NEGR1: variants seen among roughly 807,000 people sequenced by gnomAD.
The protein encoded by NEGR1 is neuronal growth regulator 1.
In NEGR1, 10 loss-of-function variants were observed where a neutral mutation model predicts 40.9. The ratio of observed to expected loss-of-function variants is 0.24; its 90% CI spans 0.15 to 0.42. The LOEUF is 0.42. Among genes scored for constraint, NEGR1 ranks in the 10% least tolerant of loss-of-function variants. The probability of loss-of-function intolerance (pLI) is 1.00; values close to 1 mark genes in which losing one functional copy is unlikely to be tolerated. For missense variants in NEGR1, 352 were observed against 438.9 expected (o/e 0.80, Z 1.77); for synonymous variants, 185 against 166.8 (o/e 1.11, Z -0.84).
chr1:71,834,432 A>T (rs1460213958), intron 2 of NEGR1, among the ~76,000 whole-genome samples: 1 of 151,958 alleles, frequency 6.6e-6, no homozygotes, highest in Non-Finnish European at 1.5e-5. Context: ...AGGTGGAGGA[A>T]GGAGGAATTC....
chr1:71,445,629 C>T (rs1646576691), intron 6 of NEGR1, among the ~76,000 whole-genome samples: 1 of 152,166 alleles, frequency 6.6e-6, no homozygotes, highest in African/African-American at 2.4e-5. Context: ...AAACTGCAGA[C>T]ACCTGAGAGG....
intron 1 of NEGR1, among the ~76,000 whole-genome samples, chr1:72,184,124 T>A (rs551368610): frequency 5.9e-5 from 9 of 152,196 alleles, no homozygotes; most frequent in Middle Eastern, 3.4e-3. Context: ...TCCCAGACTT[T>A]ATGGGAAAGG....
At chr1:72,198,098 C>A (rs571356742) in intron 1 of NEGR1, among the ~76,000 whole-genome samples, 1 of 152,064 alleles carries the variant, frequency 6.6e-6, no homozygotes, top group South Asian at 2.1e-4. Flanking sequence ...TGGTATTTCC[C>A]CAAGTAGTTT....
intron 4 of NEGR1, among the ~76,000 whole-genome samples, chr1:71,650,020 T>C (rs1299739214): frequency 6.6e-6 from 1 of 152,122 alleles, no homozygotes; most frequent in Non-Finnish European, 1.5e-5. Context: ...ATATGGAATA[T>C]AAAACAAAAT....
At chr1:71,760,786 A>G (rs1178999747) in intron 3 of NEGR1, among the ~76,000 whole-genome samples, 1 of 152,114 alleles carries the variant, frequency 6.6e-6, no homozygotes, top group Admixed American at 6.6e-5. Context: ...TGTTTGGGTG[A>G]CAGGCTGTGT....
At chr1:72,160,914 C>T (rs976887350) in intron 1 of NEGR1, among the ~76,000 whole-genome samples, 1 of 152,208 alleles carries the variant, frequency 6.6e-6, no homozygotes, top group African/African-American at 2.4e-5. Flanking sequence ...AAATAAAAAA[C>T]TATTATTTAA....
intron 6 of NEGR1, among the ~76,000 whole-genome samples, chr1:71,427,337 T>C (rs1455393921): frequency 6.6e-6 from 1 of 152,192 alleles, no homozygotes; most frequent in Non-Finnish European, 1.5e-5. Flanking sequence ...TCATCCTTCC[T>C]GTGTTCTGCA....
intron 1 of NEGR1, among the ~76,000 whole-genome samples, chr1:72,214,487 C>A (rs180965062): frequency 2.8e-3 from 419 of 152,208 alleles, no homozygotes; most frequent in Non-Finnish European, 4.6e-3. Context: ...AGCACAAAAA[C>A]TCCTTAAGCT....
intron 1 of NEGR1, among the ~76,000 whole-genome samples, chr1:71,965,729 T>C (rs1202000929): frequency 6.6e-6 from 1 of 152,168 alleles, no homozygotes; most frequent in Non-Finnish European, 1.5e-5. Flanking sequence ...TCCAATATAA[T>C]AAATTAACAT....
intron 6 of NEGR1, among the ~76,000 whole-genome samples, chr1:71,445,311 A>ATTT (rs1646574226): frequency 6.8e-6 from 1 of 146,538 alleles, no homozygotes; most frequent in African/African-American, 2.7e-5. Flanking sequence ...TTTTTTTTTA[A>ATTT]AAAAAAAATA....
chr1:71,621,516 G>A (rs1035914228), intron 4 of NEGR1, among the ~76,000 whole-genome samples: 5 of 151,432 alleles, frequency 3.3e-5, no homozygotes, highest in African/African-American at 7.3e-5. Flanking sequence ...TGACCTTAAT[G>A]TTTTTTTAAT....
intron 6 of NEGR1, among the ~76,000 whole-genome samples, chr1:71,480,169 T>C (rs1646844990): frequency 6.6e-6 from 1 of 151,974 alleles, no homozygotes; most frequent in Admixed American, 6.6e-5. Flanking sequence ...ATCTACTGAA[T>C]GTTTACTATG....
In NEGR1 at chr1:72,105,520, A is replaced by C. The variant is rs980095668; in HGVS notation, c.177-170209T>G. 2.0e-5 allele frequency among the ~76,000 whole-genome samples: 3 copies of C among 152,106 alleles called. No individual in the cohort carries two copies. In the East Asian group the frequency reaches 5.8e-4, roughly 30 times the overall value. On this transcript the variant is annotated intron_variant, in intron 1 of 6. Coordinates refer to ENST00000357731, the MANE Select transcript of NEGR1 (RefSeq NM_173808.3). The stretch of plus-strand genomic sequence containing the variant: ...GGAGTTTGAGAAAAGTCTGGGAAAC[A>C]AAGCGATACCTCATCTCTCCACAGT...
chr1:71,637,477 A>T (rs1033930140), intron 4 of NEGR1, among the ~76,000 whole-genome samples: 9 of 151,974 alleles, frequency 5.9e-5, no homozygotes, highest in Non-Finnish European at 1.2e-4. Flanking sequence ...TATTTTATGT[A>T]TATAATTTGG....
chr1:71,447,875 T>G (rs1466744340), intron 6 of NEGR1, among the ~76,000 whole-genome samples: 2 of 152,202 alleles, frequency 1.3e-5, no homozygotes, highest in Non-Finnish European at 2.9e-5. Flanking sequence ...CAAAGTAGTT[T>G]AAACAACCAA....
chr1:71,526,286 T>A (rs1488818893), intron 6 of NEGR1, among the ~76,000 whole-genome samples: 1 of 151,564 alleles, frequency 6.6e-6, no homozygotes, highest in Non-Finnish European at 1.5e-5. Flanking sequence ...TTATTTTAAA[T>A]TAGGAAAAAA....
chr1:71,593,081 T>C (rs558288993), intron 5 of NEGR1, 113 bp from the exon 6 acceptor site: 198 of 639,138 alleles, frequency 3.1e-4, no homozygotes, highest in Non-Finnish European at 3.8e-4. Context: ...ACGCTGACGT[T>C]AGCATATAAC....
intron 4 of NEGR1, among the ~76,000 whole-genome samples, chr1:71,693,492 C>T (rs1488571011): frequency 6.6e-6 from 1 of 151,576 alleles, no homozygotes. Flanking sequence ...CCACATAGAG[C>T]TGACATTCTG....
rs138874878 is a variant in NEGR1, at chr1:71,913,962, GAA to G, written c.409+21115_409+21116del. Among the ~76,000 whole-genome samples the G allele has an allele frequency of 8.8e-3, 1,338 of 152,012 alleles. 19 individuals are homozygous for G. Among genetic ancestry groups the G allele is most frequent in the African/African-American group, 0.031 (1,283 of 41,450 alleles). On this transcript the variant is annotated intron_variant, in intron 2 of 6. Transcript: ENST00000357731. ...ATCCCTCAGTGATAAGCTTCTCTGT[GAA>G]GAGTTGATCACAATACCAACATTCT...
Sources: gnomAD v4.1 joint callset for allele counts (sites outside exome capture counted in the v4.1 genomes callset) on GRCh38, gnomAD v4.1.1 for gene constraint, MANE v1.5 for transcripts, NCBI Gene and HGNC (gene_info 2026-07-23, HGNC 2026-07-21) for gene names.